Variants in TREML2 observed in about 807,000 individuals in gnomAD.
The protein encoded by TREML2 is trem-like transcript 2 protein.
A neutral mutation model predicts 25.9 loss-of-function variants in TREML2; 24 were observed. That is an observed-to-expected ratio of 0.93 (90% CI 0.67 to 1.30). The LOEUF is 1.30. Ranked by LOEUF, TREML2 falls within the 50% of genes most tolerant of loss-of-function variation. The pLI is 0.00. For missense variants in TREML2, 359 were observed against 395.6 expected (o/e 0.91, Z 0.78); for synonymous variants, 139 against 155.2 (o/e 0.90, Z 0.77).
At chr6:41,192,955 A>C (rs1766094758) in intron 3 of TREML2, 54 bp from the exon 4 acceptor site, 2 of 1,431,232 alleles carry the variant, frequency 1.4e-6, no homozygotes, top group Non-Finnish European at 1.9e-6. Context: ...CCCCATCCTA[A>C]CCCACGTTGG....
chr6:41,193,813 G>T (rs1766108660), intron 3 of TREML2, among the ~76,000 whole-genome samples: 1 of 95,854 alleles, frequency 1.0e-5, no homozygotes, highest in African/African-American at 4.4e-5. Context: ...AACTCTCATT[G>T]CCCCCTACCC....
Position 41,198,211 on chromosome 6 carries a change from T to G in TREML2, c.274A>C (p.Met92Leu). ...DAQAKVVNIT[M>L]VALKLQDSGR... ...GAGTCCTGGAGCTTGAGGGCCACCA[T>G]GGTGATGTTGACCACCTTGGCCTGG... Residue 92 changes from methionine to leucine, a missense_variant, in exon 2 of 5, where the codon ATG becomes CTG. By Grantham distance (15) the Met-to-Leu change is conservative. Transcript: ENST00000483722. 5.6e-6 allele frequency: 9 copies of G among 1,614,216 alleles called. No individual in the cohort carries two copies. Among genetic ancestry groups the G allele is most frequent in the Non-Finnish European group, 3.4e-6 (4 of 1,180,026 alleles).
At chr6:41,196,589 T>C (rs1404933654) in intron 2 of TREML2, among the ~76,000 whole-genome samples, 1 of 152,220 alleles carries the variant, frequency 6.6e-6, no homozygotes, top group Non-Finnish European at 1.5e-5. Flanking sequence ...TAAAGCTCAG[T>C]GGTTCTTTAT....
In TREML2 at chr6:41,198,353, C is replaced by T. The variant is rs1334894489; in HGVS notation, c.132G>A (p.Lys44=). The T allele has an allele frequency of 6.2e-7, 1 of 1,614,210 alleles. No homozygotes were observed. Among genetic ancestry groups the T allele is most frequent in the Admixed American group, 1.7e-5 (1 of 60,030 alleles). Residue 44 remains lysine, a synonymous_variant, in exon 2 of 5, where the codon AAG becomes AAA. Transcript: ENST00000483722. The part of the protein sequence containing the change: ...GETLSVQCSY[K]GYKNRVEGKV... ...TGCCCTCCACGCGGTTTTTGTAGCC[C>T]TTATAGGAGCACTGCACAGACAGAG...
rs914829297 is a variant in TREML2, at chr6:41,192,723, G to A, written c.886+78C>T. The A allele has an allele frequency of 3.0e-6, 4 of 1,343,660 alleles. No individual in the cohort carries two copies. The African/African-American group carries it at 5.8e-5, about 20-fold the overall frequency. The allele number at this position is 1,343,660 out of a possible 1,614,324, so 83.2% of individuals were successfully genotyped here. ...ACACAGGCCAAGGGCCATACCACGT[G>A]GGGACTCGAGGTCATAACCCTTAGT... On this transcript the variant is annotated intron_variant, in intron 4 of 4. Transcript: ENST00000483722.
At chr6:41,193,314 G>T (rs1359329007) in intron 3 of TREML2, among the ~76,000 whole-genome samples, 2 of 152,056 alleles carry the variant, frequency 1.3e-5, no homozygotes, top group African/African-American at 2.4e-5. Flanking sequence ...ATTTCCACCT[G>T]CACACATCAT....
intron 3 of TREML2, 95 bp from the exon 4 acceptor site, chr6:41,192,996 G>A (rs750378509): frequency 8.6e-5 from 89 of 1,034,688 alleles, no homozygotes; most frequent in East Asian, 5.0e-4. Flanking sequence ...CCCTGAGAGC[G>A]TGCCCTTCCC....
chr6:41,195,593 G>A (rs1766146178), intron 2 of TREML2, among the ~76,000 whole-genome samples: 1 of 152,200 alleles, frequency 6.6e-6, no homozygotes, highest in African/African-American at 2.4e-5. Flanking sequence ...CCATTTTTCT[G>A]GAGAAGGGGA....
chr6:41,191,865 T>A lies in TREML2; in HGVS notation c.*562A>T, dbSNP rs1582094772. 2 of 158,078 alleles carry A rather than the reference T, an allele frequency of 1.3e-5. No homozygotes were observed. The highest frequency in any genetic ancestry group is 3.7e-4 in the South Asian group (2 of 5,420). 9.8% of individuals were successfully genotyped at this position (158,078 alleles called of 1,614,324 possible). A position where few individuals can be genotyped will look rare whatever the true frequency, so the allele number is the denominator to read the frequency against. On this transcript the variant is annotated 3_prime_UTR_variant, in exon 5 of 5. Transcript: ENST00000483722. Reference sequence around the variant, plus strand: ...ATCCAGAGGCCCAGCAAAGGACACCTGTCCCGACAAGAGAAGCTGCCAACC... The same window carrying A: ...ATCCAGAGGCCCAGCAAAGGACACCAGTCCCGACAAGAGAAGCTGCCAACC...
intron 2 of TREML2, among the ~76,000 whole-genome samples, chr6:41,197,890 C>T (rs1012072327): frequency 3.9e-5 from 6 of 152,172 alleles, no homozygotes; most frequent in South Asian, 2.1e-4. Context: ...TCTGGGACCC[C>T]GGACAAGCTC....
At chr6:41,198,955 T>G (rs1766227349) in intron 1 of TREML2, among the ~76,000 whole-genome samples, 2 of 152,202 alleles carry the variant, frequency 1.3e-5, no homozygotes, top group African/African-American at 2.4e-5. Context: ...CTCCGCCTCC[T>G]GGGTTCAAAC....
Position 41,201,137 on chromosome 6 carries a change from A to T in TREML2, c.-129T>A, listed in dbSNP as rs1486031169. On this transcript the variant is annotated 5_prime_UTR_variant, in exon 1 of 5. Coordinates refer to ENST00000483722, the MANE Select transcript of TREML2 (RefSeq NM_024807.4). ...AAAAGTGAAGCTGCCCATTTAGGGA[A>T]GTGAGGCAGTGTGGGACCCACTGCC... 4.6e-6 allele frequency: 5 copies of T among 1,075,868 alleles called. No individual in the cohort carries two copies. The highest frequency in any genetic ancestry group is 3.4e-5 in the Admixed American group (2 of 58,682). 66.6% of individuals were successfully genotyped at this position (1,075,868 alleles called of 1,614,324 possible).
chr6:41,191,131 C>A lies in TREML2; in HGVS notation c.*1296G>T. The A allele has an allele frequency of 6.6e-6, 1 of 151,770 alleles. No individual in the cohort carries two copies. The highest frequency in any genetic ancestry group is 1.4e-5 in the Non-Finnish European group (1 of 69,250). 9.4% of individuals were successfully genotyped at this position (151,770 alleles called of 1,614,324 possible). ...TCAATGCACAGTTGTCACATTTATC[C>A]CCAGGTGCTATTCCAGTCACTCCAG... On this transcript the variant is annotated 3_prime_UTR_variant, in exon 5 of 5. Coordinates refer to ENST00000483722, the MANE Select transcript of TREML2 (RefSeq NM_024807.4).
At chr6:41,200,499 G>A (rs1365646427) in intron 1 of TREML2, among the ~76,000 whole-genome samples, 1 of 152,238 alleles carries the variant, frequency 6.6e-6, no homozygotes, top group Non-Finnish European at 1.5e-5. Context: ...TATCTGTGAG[G>A]TGGGAAAGGC....
intron 1 of TREML2, among the ~76,000 whole-genome samples, chr6:41,200,718 A>G (rs1766258581): frequency 6.6e-6 from 1 of 152,240 alleles, no homozygotes; most frequent in African/African-American, 2.4e-5. Flanking sequence ...AGCCTAGCAG[A>G]TAAAGGAGCC....
In TREML2 at chr6:41,192,027, A is replaced by AT; in HGVS notation, c.*399_*400insA. 4.9e-6 allele frequency: 1 copy of AT among 202,188 alleles called. No individual in the cohort carries two copies. Among genetic ancestry groups the AT allele is most frequent in the South Asian group, 1.0e-4 (1 of 9,806 alleles). 12.5% of individuals were successfully genotyped at this position (202,188 alleles called of 1,614,324 possible). ...GAAGCAGAACGGAGGGAAGCAGAGG[A>AT]CACAGTGGCCCTGGTGGGGAGGGCA... On this transcript the variant is annotated 3_prime_UTR_variant, in exon 5 of 5. Transcript: ENST00000483722.
chr6:41,198,378 G>C lies in TREML2; in HGVS notation c.107C>G (p.Thr36Ser). The C allele has an allele frequency of 1.2e-6, 2 of 1,614,194 alleles. No individual in the cohort carries two copies. Among genetic ancestry groups the C allele is most frequent in the Non-Finnish European group, 1.7e-6 (2 of 1,180,018 alleles). ...YTKVRLLEGE[T>S]LSVQCSYKGY... ...CTTATAGGAGCACTGCACAGACAGA[G>C]TCTCCCCTTCAAGGAGCCTCACTTT... The change falls in exon 2 of 5, where the codon ACT (threonine) becomes AGT (serine). Residue 36 changes from threonine (T) to serine (S), a missense_variant. Thr to Ser is a moderately conservative substitution (Grantham distance 58, BLOSUM62 1). Coordinates refer to ENST00000483722, the MANE Select transcript of TREML2 (RefSeq NM_024807.4).
rs1387699953 is a variant in TREML2, at chr6:41,194,461, G to C, written c.749C>G (p.Ser250Cys). The C allele has an allele frequency of 6.2e-7, 1 of 1,600,016 alleles. No homozygotes were observed. Residue 250 changes from serine to cysteine, a missense_variant, in exon 3 of 5, where the codon TCT (serine) becomes TGT (cysteine). Coordinates refer to ENST00000483722, the MANE Select transcript of TREML2 (RefSeq NM_024807.4). ...CATGGAGGGTAGTCTGTTGAGGAGA[G>C]ATCTGCTGGTGAGGCAGAGCCCTGT... is the stretch of plus-strand genomic sequence containing the variant. ...PTTGLCLTSR[S>C]LLNRLPSMPS... is the part of the protein sequence containing the mutation.
chr6:41,199,832 T>C (rs868363325), intron 1 of TREML2, among the ~76,000 whole-genome samples: 13 of 152,234 alleles, frequency 8.5e-5, no homozygotes, highest in African/African-American at 2.9e-4. Context: ...GGTCACCTGT[T>C]TGATACAGAA....
Sources: allele counts gnomAD v4.1 joint callset (sites outside exome capture counted in the v4.1 genomes callset), GRCh38; gene constraint gnomAD v4.1.1; transcripts MANE v1.5; gene names NCBI Gene and HGNC (gene_info 2026-07-23, HGNC 2026-07-21).